The following ITPRID1 variants were observed in gnomAD, a reference collection of about 807,000 sequenced individuals.
ITPRID1 encodes ITPR interacting domain containing 1, also known as protein ITPRID1.
Under a neutral mutation model 95.4 loss-of-function variants are expected in ITPRID1, and 96 were observed. The ratio of observed to expected loss-of-function variants is 1.01; its 90% CI spans 0.85 to 1.19. The LOEUF (loss-of-function observed/expected upper bound fraction) is 1.19. Ranked by LOEUF, ITPRID1 falls within the 50% of genes most tolerant of loss-of-function variation. The pLI, the probability that ITPRID1 is intolerant of heterozygous loss-of-function variation, is 0.00. For synonymous variants in ITPRID1, 510 were observed against 453.6 expected, an observed-to-expected ratio of 1.12 and a Z score of -1.58; for missense variants, 1,339 against 1,252.9, an observed-to-expected ratio of 1.07 and a Z score of -1.04.
chr7:31,642,039 C>T, intron 10 of ITPRID1, 137 bp from the exon 11 acceptor site: 2 of 508,440 alleles, frequency 3.9e-6, no homozygotes, highest in South Asian at 4.0e-5. Context: ...CTTGGAATTC[C>T]CTCATTTGTT....
intron 5 of ITPRID1, among the ~76,000 whole-genome samples, chr7:31,555,544 GAAAAA>G (rs35560661): frequency 0.23 from 34,390 of 150,720 alleles, 4,000 homozygotes; most frequent in East Asian, 0.33. Context: ...GTACCATTTA[GAAAAA>G]AAAAACAAAA....
intron 10 of ITPRID1, among the ~76,000 whole-genome samples, chr7:31,586,197 C>T (rs1785597924): frequency 7.9e-6 from 1 of 126,196 alleles, no homozygotes; most frequent in Non-Finnish European, 1.6e-5. Context: ...GCATAGTATT[C>T]CATGGTGTAT....
intron 10 of ITPRID1, among the ~76,000 whole-genome samples, chr7:31,630,531 C>T (rs1010082014): frequency 6.6e-6 from 1 of 152,112 alleles, no homozygotes; most frequent in African/African-American, 2.4e-5. Context: ...GATTCTGAGG[C>T]TGAATTTCAG....
At chr7:31,616,319 T>C (rs1787222823) in intron 10 of ITPRID1, among the ~76,000 whole-genome samples, 1 of 152,222 alleles carries the variant, frequency 6.6e-6, no homozygotes, top group African/African-American at 2.4e-5. Context: ...CAGGGTCTAG[T>C]AGTGAATATA....
At chr7:31,645,506 A>C (rs1369054005) in intron 12 of ITPRID1, among the ~76,000 whole-genome samples, 1 of 152,134 alleles carries the variant, frequency 6.6e-6, no homozygotes, top group African/African-American at 2.4e-5. Flanking sequence ...GAAAAGAACA[A>C]AACCTAATGT....
At chr7:31,631,484 T>C (rs957416864) in intron 10 of ITPRID1, among the ~76,000 whole-genome samples, 9 of 152,248 alleles carry the variant, frequency 5.9e-5, no homozygotes. Flanking sequence ...TGATCTTTAT[T>C]TTTTATTTAT....
In ITPRID1 at chr7:31,585,972, G is replaced by A. The variant is rs1161586599; in HGVS notation, c.1228+2781G>A. ...TCATCTAGCATTAGGTATATCTCCC[G>A]ATGCTATCCCTCCCCCCTCCCCCCA... On this transcript the variant is annotated intron_variant, in intron 10 of 14. Coordinates refer to ENST00000615280, the MANE Select transcript of ITPRID1 (RefSeq NM_001257967.3). Among the ~76,000 whole-genome samples the A allele has an allele frequency of 7.6e-5, 11 of 144,270 alleles. No individual in the cohort carries two copies. The East Asian group carries it at 1.6e-3, about 21-fold the overall frequency. The allele number at this position is 144,270 out of a possible 152,430, so 94.6% of individuals were successfully genotyped here.
intron 10 of ITPRID1, among the ~76,000 whole-genome samples, chr7:31,592,293 C>T (rs1785899819): frequency 6.6e-6 from 1 of 152,170 alleles, no homozygotes; most frequent in African/African-American, 2.4e-5. Context: ...AACTATGTAA[C>T]TTTAACAAAT....
chr7:31,572,231 G>A, intron 7 of ITPRID1, 43 bp downstream of exon 7: 6 of 1,218,114 alleles, frequency 4.9e-6, no homozygotes, highest in Non-Finnish European at 7.2e-6. Flanking sequence ...AAATCATTCT[G>A]TGCAACAATG....
intron 10 of ITPRID1, among the ~76,000 whole-genome samples, chr7:31,620,176 G>T (rs919962853): frequency 2.6e-5 from 4 of 152,244 alleles, no homozygotes; most frequent in East Asian, 1.9e-4. Context: ...ACCTCTGGGG[G>T]CAGGGCACAG....
intron 5 of ITPRID1, among the ~76,000 whole-genome samples, chr7:31,563,803 TAAAC>T (rs1398045707): frequency 2.0e-5 from 3 of 152,040 alleles, no homozygotes; most frequent in African/African-American, 4.8e-5. Flanking sequence ...TATCTGGAAA[TAAAC>T]AGACAAGTGG....
chr7:31,610,900 T>G (rs1341971846), intron 10 of ITPRID1, among the ~76,000 whole-genome samples: 2 of 151,540 alleles, frequency 1.3e-5, no homozygotes, highest in Non-Finnish European at 3.0e-5. Flanking sequence ...TTATGTTTTA[T>G]TTTTATCCAT....
At chr7:31,577,453 G>C (rs73087449) in intron 8 of ITPRID1, among the ~76,000 whole-genome samples, 26,587 of 152,142 alleles carry the variant, frequency 0.17, 2,836 homozygotes, top group South Asian at 0.33. Flanking sequence ...TGTAAGTGAT[G>C]GTAGGAATAC....
intron 5 of ITPRID1, among the ~76,000 whole-genome samples, chr7:31,567,643 G>T (rs1416782105): frequency 6.7e-6 from 1 of 150,242 alleles, no homozygotes; most frequent in Non-Finnish European, 1.5e-5. Flanking sequence ...GCGCAGTGGC[G>T]CAGTCTCCGC....
At chr7:31,634,537 GA>G (rs560062769) in intron 10 of ITPRID1, among the ~76,000 whole-genome samples, 80 of 152,328 alleles carry the variant, frequency 5.3e-4, no homozygotes, top group African/African-American at 1.9e-3. Flanking sequence ...CTAAGTAGGA[GA>G]GTCAGAATCA....
At chr7:31,559,291 T>G (rs958107587) in intron 5 of ITPRID1, among the ~76,000 whole-genome samples, 8 of 152,204 alleles carry the variant, frequency 5.3e-5, no homozygotes, top group African/African-American at 1.7e-4. Context: ...GTTCTTCTTC[T>G]GCTCCTCTGG....
intron 9 of ITPRID1, among the ~76,000 whole-genome samples, chr7:31,579,119 C>G (rs897761959): frequency 6.6e-6 from 1 of 152,180 alleles, no homozygotes; most frequent in Non-Finnish European, 1.5e-5. Context: ...CACCTTCATT[C>G]ATTTACACTA....
At chr7:31,619,920 C>A (rs887130324) in intron 10 of ITPRID1, among the ~76,000 whole-genome samples, 1 of 152,134 alleles carries the variant, frequency 6.6e-6, no homozygotes, top group African/African-American at 2.4e-5. Context: ...TGCGCTTTTC[C>A]GACGGGCTTA....
At chr7:31,576,498 G>C in intron 8 of ITPRID1, among the ~76,000 whole-genome samples, 1 of 152,152 alleles carries the variant, frequency 6.6e-6, no homozygotes, top group East Asian at 1.9e-4. Flanking sequence ...TCATTCAATT[G>C]TACCCTCTGA....
Sources: allele counts gnomAD v4.1 joint callset (sites outside exome capture counted in the v4.1 genomes callset), GRCh38; gene constraint gnomAD v4.1.1; transcripts MANE v1.5; gene names NCBI Gene and HGNC (gene_info 2026-07-23, HGNC 2026-07-21).